Variants in DGKB observed in about 807,000 individuals in gnomAD.
DGKB encodes the protein 90 kDa diacylglycerol kinase.
In DGKB, 67 loss-of-function variants were observed where a neutral mutation model predicts 114.3. The ratio of observed to expected loss-of-function variants is 0.59; its 90% CI spans 0.48 to 0.72. DGKB has a LOEUF of 0.72. Among genes scored for constraint, DGKB ranks in the 30% least tolerant of loss-of-function variants. The pLI is 0.00. For missense variants in DGKB, 907 were observed against 975.2 expected, an observed-to-expected ratio of 0.93 and a Z score of 0.93; for synonymous variants, 398 against 323.1, an observed-to-expected ratio of 1.23 and a Z score of -2.49.
intron 1 of DGKB, among the ~76,000 whole-genome samples, chr7:14,954,213 C>T (rs775847929): frequency 2.6e-5 from 4 of 151,954 alleles, no homozygotes; most frequent in South Asian, 2.1e-4. Context: ...TGGTTCATTC[C>T]GTGCTGAGAT....
intron 2 of DGKB, among the ~76,000 whole-genome samples, chr7:14,760,227 G>C (rs555517307): frequency 6.6e-6 from 1 of 152,110 alleles, no homozygotes; most frequent in Admixed American, 6.6e-5. Flanking sequence ...TCCATATTGT[G>C]ATCAGAGTTA....
intron 6 of DGKB, among the ~76,000 whole-genome samples, chr7:14,705,436 G>C (rs909279280): frequency 1.3e-5 from 2 of 151,230 alleles, no homozygotes; most frequent in Non-Finnish European, 2.9e-5. Context: ...TAGCAAGGCA[G>C]GCCAACGTTC....
At chr7:14,855,421 T>G (rs973441632) in intron 1 of DGKB, among the ~76,000 whole-genome samples, 1 of 152,132 alleles carries the variant, frequency 6.6e-6, no homozygotes, top group Non-Finnish European at 1.5e-5. Context: ...TAGGACATAC[T>G]AGAAAAAAGA....
At chr7:14,819,512 C>T (rs112538930) in intron 2 of DGKB, among the ~76,000 whole-genome samples, 31,366 of 152,014 alleles carry the variant, frequency 0.21, 3,668 homozygotes, top group East Asian at 0.38. Flanking sequence ...ATTACTTGAG[C>T]CTGGGAGGCG....
chr7:14,649,252 C>T (rs551217763), intron 13 of DGKB, among the ~76,000 whole-genome samples: 6 of 151,142 alleles, frequency 4.0e-5, no homozygotes, highest in East Asian at 3.9e-4. Flanking sequence ...AGAGAAAGGT[C>T]GGGTTCCCCT....
At chr7:14,155,284 CAGCCTACCTTATTTT>C (rs1249024817) in intron 25 of DGKB, among the ~76,000 whole-genome samples, 5 of 152,138 alleles carry the variant, frequency 3.3e-5, no homozygotes, top group Admixed American at 2.6e-4. Context: ...TACTAGGTAC[CAGCCTACCTTATTTT>C]AGTGTGGAGG....
chr7:14,638,604 T>C (rs1197168230), intron 13 of DGKB, among the ~76,000 whole-genome samples: 1 of 152,174 alleles, frequency 6.6e-6, no homozygotes, highest in African/African-American at 2.4e-5. Context: ...CATAAAGAGA[T>C]ACACCCTTTT....
At chr7:14,475,270 G>T (rs1286993324) in intron 21 of DGKB, among the ~76,000 whole-genome samples, 3 of 152,072 alleles carry the variant, frequency 2.0e-5, no homozygotes, top group Non-Finnish European at 4.4e-5. Flanking sequence ...ATATGAAAGT[G>T]TGCTATGGCT....
rs73287798 is a variant in DGKB, at chr7:14,573,395, G to C, written c.1770+817C>G. On this transcript the variant is annotated intron_variant, in intron 20 of 25. Transcript: ENST00000402815. ...AATTTGCTTAAAGACTTTTACCCAG[G>C]TAGCTTACCTCTTAAGTTCATGGAC... is the stretch of plus-strand genomic sequence containing the variant. 6.5e-3 allele frequency among the ~76,000 whole-genome samples: 988 copies of C among 151,698 alleles called. 15 individuals are homozygous for C. The highest frequency in any genetic ancestry group is 0.023 in the African/African-American group (950 of 41,348).
intron 25 of DGKB, among the ~76,000 whole-genome samples, chr7:14,158,296 CATATT>C (rs1367407740): frequency 6.6e-6 from 1 of 152,198 alleles, no homozygotes; most frequent in Non-Finnish European, 1.5e-5. Flanking sequence ...TGGGAAATGG[CATATT>C]ATGGCCATCT....
At chr7:14,313,311 A>G (rs1036921675) in intron 23 of DGKB, among the ~76,000 whole-genome samples, 2 of 152,144 alleles carry the variant, frequency 1.3e-5, no homozygotes, top group African/African-American at 4.8e-5. Context: ...TACAGCTCCC[A>G]GCCTGAGCGA....
rs117597877 is a variant in DGKB at position 14,250,781 on chromosome 7, T to G, written c.2123-72630A>C. ...TGGTTTATTTCTCCTTTCAGTTCAG[T>G]AAATATTTGCTTTATATATTTAGGT... On this transcript the variant is annotated intron_variant, in intron 23 of 25. Transcript: ENST00000402815. Among the ~76,000 whole-genome samples, 540 of 152,322 alleles carry G rather than the reference T, an allele frequency of 3.5e-3. 4 individuals are homozygous for G. Among genetic ancestry groups the G allele is most frequent in the Non-Finnish European group, 6.1e-3 (413 of 68,034 alleles).
rs1006100070 is a variant in DGKB, at chr7:14,266,003, G to A, written c.2122+72512C>T. On this transcript the variant is annotated intron_variant, in intron 23 of 25. Transcript: ENST00000402815. ...TATTTTGTTTTTGAAGCATCCTCTT[G>A]CCCCTGCCCCAGACTAAGTCGGTAA... Among the ~76,000 whole-genome samples the A allele has an allele frequency of 4.6e-5, 7 of 152,188 alleles. No individual in the cohort carries two copies. In the East Asian group the frequency reaches 1.2e-3, roughly 25 times the overall value.
At chr7:14,503,924 T>C (rs1016854647) in intron 20 of DGKB, among the ~76,000 whole-genome samples, 3 of 152,188 alleles carry the variant, frequency 2.0e-5, no homozygotes, top group African/African-American at 7.2e-5. Flanking sequence ...AAACTAGCTA[T>C]TAACAAGTTC....
rs201827077 is a variant in DGKB, at chr7:14,660,177, T to C, written c.1134+12752A>G. On this transcript the variant is annotated intron_variant, in intron 13 of 25. Transcript: ENST00000402815. The stretch of plus-strand genomic sequence containing the variant: ...TATTTGCATCAATGTTCCTCAAGGA[T>C]ATTGGTCTAAAATTCTCTTTTTTGG... Among the ~76,000 whole-genome samples, 5 of 152,034 alleles carry C rather than the reference T, an allele frequency of 3.3e-5. No individual in the cohort carries two copies. The East Asian group carries it at 5.9e-4, about 18-fold the overall frequency.
intron 20 of DGKB, among the ~76,000 whole-genome samples, chr7:14,572,566 T>C (rs2128706131): frequency 6.6e-6 from 1 of 152,082 alleles, no homozygotes; most frequent in South Asian, 2.1e-4. Flanking sequence ...GTAGAAATTC[T>C]GGAGTTAAAA....
At chr7:14,159,754 C>A (rs973166070) in intron 25 of DGKB, among the ~76,000 whole-genome samples, 1 of 152,134 alleles carries the variant, frequency 6.6e-6, no homozygotes, top group African/African-American at 2.4e-5. Flanking sequence ...ATTGCAACCA[C>A]CCCCGTCTCC....
intron 21 of DGKB, among the ~76,000 whole-genome samples, chr7:14,412,801 G>C (rs1032447258): frequency 2.0e-5 from 3 of 152,038 alleles, no homozygotes; most frequent in African/African-American, 7.2e-5. Context: ...GGCCAACACA[G>C]CAAAACCCCA....
chr7:14,688,070 C>T (rs1344860032), intron 9 of DGKB, among the ~76,000 whole-genome samples: 2 of 152,186 alleles, frequency 1.3e-5, no homozygotes, highest in Non-Finnish European at 2.9e-5. Flanking sequence ...GAGCCAATTA[C>T]TTCTCAGCAG....
Sources: allele counts gnomAD v4.1 joint callset (sites outside exome capture counted in the v4.1 genomes callset), GRCh38; gene constraint gnomAD v4.1.1; transcripts MANE v1.5; gene names NCBI Gene and HGNC (gene_info 2026-07-23, HGNC 2026-07-21).